Variants in LARP4B observed in about 807,000 individuals in gnomAD.
The protein encoded by LARP4B is La ribonucleoprotein 4B.
LARP4B carries 12 observed loss-of-function variants against 89.8 expected under a neutral mutation model. That is an observed-to-expected ratio of 0.13 (90% CI 0.09 to 0.22). The LOEUF is 0.22. LARP4B is among the 10% of genes least tolerant of loss of function. The pLI is 1.00. For missense variants in LARP4B, 757 were observed against 947.7 expected, an observed-to-expected ratio of 0.80 and a Z score of 2.64; for synonymous variants, 367 against 363.3, an observed-to-expected ratio of 1.01 and a Z score of -0.12.
At chr10:976,040 T>C in the LARP4B span, among the ~76,000 whole-genome samples, 1 of 106,114 alleles carries the variant, frequency 9.4e-6, no homozygotes, top group Non-Finnish European at 2.1e-5. Context: ...GTGCAACGTG[T>C]GGACCCGGCC....
rs756500309 is a variant in LARP4B at position 829,476 on chromosome 10, G to A, written c.1034C>T (p.Pro345Leu). The change falls in exon 11 of 18, where the codon CCC becomes CTC. Residue 345 changes from proline to leucine, a missense_variant. Physicochemically the swap from Pro to Leu is moderately conservative, Grantham distance 98. Coordinates refer to ENST00000316157, the MANE Select transcript of LARP4B (RefSeq NM_015155.3). ...QRYATSFYFP[P>L]MYSPQQQFPL... ...GAACTGCTGCTGGGGGCTGTACATG[G>A]GAGGGAAGTAGAACGACGTCGCGTA... 16 of 1,614,192 alleles carry A rather than the reference G, an allele frequency of 9.9e-6. No individual in the cohort carries two copies. Among genetic ancestry groups the A allele is most frequent in the Non-Finnish European group, 1.3e-5 (15 of 1,180,030 alleles).
chr10:922,950 CT>C (rs1158417735), intron 1 of LARP4B, among the ~76,000 whole-genome samples: 1 of 152,038 alleles, frequency 6.6e-6, no homozygotes, highest in Non-Finnish European at 1.5e-5. Context: ...TGGCACACGC[CT>C]GCAGTCCCAG....
At chr10:870,459 A>T (rs2131873921) in intron 3 of LARP4B, among the ~76,000 whole-genome samples, 1 of 152,302 alleles carries the variant, frequency 6.6e-6, no homozygotes, top group Admixed American at 6.5e-5. Flanking sequence ...GCACCTGTGT[A>T]TCTGTCCGCT....
At chr10:889,330 G>T (rs1162304827) in intron 1 of LARP4B, among the ~76,000 whole-genome samples, 5 of 152,020 alleles carry the variant, frequency 3.3e-5, no homozygotes, top group Non-Finnish European at 7.4e-5. Flanking sequence ...AGCAAGGTGG[G>T]AACCATCCCC....
chr10:885,083 G>C (rs1026648606), intron 2 of LARP4B, among the ~76,000 whole-genome samples: 1 of 152,124 alleles, frequency 6.6e-6, no homozygotes, highest in South Asian at 2.1e-4. Flanking sequence ...AGCAGAATCA[G>C]GCCATGGAAA....
At chr10:963,604 C>G in the LARP4B span, among the ~76,000 whole-genome samples, 5 of 152,174 alleles carry the variant, frequency 3.3e-5, no homozygotes, top group Non-Finnish European at 2.9e-5. Flanking sequence ...ACAAATTCAA[C>G]CTAATAAAGG....
chr10:962,685 T>C, the LARP4B span, among the ~76,000 whole-genome samples: 13 of 152,100 alleles, frequency 8.5e-5, no homozygotes, highest in Non-Finnish European at 1.5e-4. Flanking sequence ...AAAAATAATA[T>C]CAAGTAGGCC....
chr10:929,910 G>A (rs1368135355), intron 1 of LARP4B, among the ~76,000 whole-genome samples: 1 of 151,800 alleles, frequency 6.6e-6, no homozygotes, highest in African/African-American at 2.4e-5. Flanking sequence ...GATGCCTTTC[G>A]GAACGCATTT....
At position 814,334 on chromosome 10, in the gene LARP4B, G is replaced by A. The variant is rs1831903399; in HGVS notation, c.1929+408C>T. 3.1e-6 allele frequency: 1 copy of A among 324,148 alleles called. No individual in the cohort carries two copies. 20.1% of individuals were successfully genotyped at this position (324,148 alleles called of 1,614,324 possible). On this transcript the variant is annotated intron_variant, in intron 17 of 17. Coordinates refer to ENST00000316157, the MANE Select transcript of LARP4B (RefSeq NM_015155.3). This position sits in a 1 kb window ranked among gnomAD's most constrained non-coding sequence, Gnocchi z 4.4. ...GGGGTTCAGGCCTGCTGGGCCCACA[G>A]GGGTTGGAGGCTGGTGGGGCCACCA...
the LARP4B span, among the ~76,000 whole-genome samples, chr10:983,756 G>A: frequency 6.6e-6 from 1 of 152,146 alleles, no homozygotes; most frequent in Non-Finnish European, 1.5e-5. Flanking sequence ...AATTTGGGGA[G>A]ACTTAATTTG....
chr10:971,329 T>C, the LARP4B span: 1 of 152,242 alleles, frequency 6.6e-6, no homozygotes, highest in South Asian at 2.1e-4. Flanking sequence ...ACAGGGGAGA[T>C]GCAAGGCAGG....
chr10:871,446 C>T (rs181285514), intron 3 of LARP4B, among the ~76,000 whole-genome samples: 22 of 152,192 alleles, frequency 1.4e-4, no homozygotes, highest in African/African-American at 4.8e-4. Flanking sequence ...GTCTGTGTTG[C>T]AGCCTCATCT....
chr10:947,749 G>T, the LARP4B span, among the ~76,000 whole-genome samples: 1 of 152,058 alleles, frequency 6.6e-6, no homozygotes, highest in African/African-American at 2.4e-5. Flanking sequence ...AGCCTCCCAA[G>T]TAGCTGGGAT....
At chr10:923,522 C>A (rs1837046911) in intron 1 of LARP4B, among the ~76,000 whole-genome samples, 1 of 150,744 alleles carries the variant, frequency 6.6e-6, no homozygotes, top group South Asian at 2.1e-4. Flanking sequence ...AAAAAAAAAT[C>A]TGTACATGCC....
chr10:925,537 T>C (rs754441278), intron 1 of LARP4B, among the ~76,000 whole-genome samples: 33 of 152,216 alleles, frequency 2.2e-4, no homozygotes, highest in South Asian at 8.3e-4. Context: ...TATTTTATTT[T>C]ATTTCATTTT....
chr10:918,950 G>A (rs144519605), intron 1 of LARP4B, among the ~76,000 whole-genome samples: 1,551 of 151,282 alleles, frequency 0.01, 22 homozygotes, highest in African/African-American at 0.034. Flanking sequence ...GCGTGGTGGC[G>A]GGCGCCTGTA....
chr10:849,515 A>G (rs1011326179), intron 5 of LARP4B, among the ~76,000 whole-genome samples: 3 of 152,256 alleles, frequency 2.0e-5, no homozygotes, highest in Non-Finnish European at 2.9e-5. Flanking sequence ...AAGTAAATAA[A>G]TAAAGGAGAA....
intron 11 of LARP4B, among the ~76,000 whole-genome samples, chr10:826,464 G>A (rs1832629906): frequency 1.3e-5 from 2 of 152,064 alleles, no homozygotes; most frequent in Non-Finnish European, 2.9e-5. Context: ...AATTAGAAAG[G>A]GTCACAGAAC....
At chr10:957,947 C>T in the LARP4B span, among the ~76,000 whole-genome samples, 8 of 151,976 alleles carry the variant, frequency 5.3e-5, no homozygotes, top group African/African-American at 1.9e-4. Context: ...CAAGTGTGCA[C>T]CACCACGCCT....
Sources: allele counts gnomAD v4.1 joint callset (sites outside exome capture counted in the v4.1 genomes callset), GRCh38; gene constraint gnomAD v4.1.1; non-coding constraint Gnocchi (gnomAD v3.1); transcripts MANE v1.5; gene names NCBI Gene and HGNC (gene_info 2026-07-23, HGNC 2026-07-21).